Variants in TMEM164 observed in about 807,000 individuals in gnomAD.
TMEM164 encodes the protein transmembrane protein 164.
TMEM164 carries 4 observed loss-of-function variants against 18.8 expected under a neutral mutation model. The ratio of observed to expected loss-of-function variants is 0.21; its 90% CI spans 0.10 to 0.49. The LOEUF is 0.49. TMEM164 is among the 20% of genes least tolerant of loss of function. The probability of loss-of-function intolerance (pLI) is 0.98; values close to 1 mark genes in which losing one functional copy is unlikely to be tolerated. For synonymous variants in TMEM164, 86 were observed against 101.7 expected (o/e 0.85, Z 0.93); for missense variants, 108 against 239.9 (o/e 0.45, Z 3.63).
intron 2 of TMEM164, among the ~76,000 whole-genome samples, chrX:110,005,201 T>G (rs1219788699): frequency 8.9e-6 from 1 of 112,461 alleles, no homozygotes; most frequent in Non-Finnish European, 1.9e-5. Flanking sequence ...AAGGTTATTC[T>G]TTGGAGACTT....
chrX:110,179,256 C>T (rs2067313839), downstream of TMEM164, among the ~76,000 whole-genome samples: 1 of 111,795 alleles, frequency 8.9e-6, no homozygotes, highest in Non-Finnish European at 1.9e-5. Flanking sequence ...CATTGCCATC[C>T]CTACCCTGGG....
Position 110,080,463 on chromosome X carries a change from G to A in TMEM164, c.440+13067G>A, listed in dbSNP as rs149942945. Among the ~76,000 whole-genome samples, 470 of 111,167 alleles carry A rather than the reference G, an allele frequency of 4.2e-3. 1 individual carries two copies. Among genetic ancestry groups the A allele is most frequent in the African/African-American group, 0.014 (429 of 30,658 alleles). ...ACTGCCAGGATATTTTCATTGATACGGTCTGATAAAGCAGAACAGTCCTGT... is the reference window on the plus strand; with the variant it reads ...ACTGCCAGGATATTTTCATTGATACAGTCTGATAAAGCAGAACAGTCCTGT... On this transcript the variant is annotated intron_variant, in intron 3 of 6. Transcript: ENST00000372068.
intron 2 of TMEM164, among the ~76,000 whole-genome samples, chrX:110,035,890 A>G (rs939452543): frequency 2.7e-5 from 3 of 110,003 alleles, no homozygotes; most frequent in South Asian, 3.9e-4. Flanking sequence ...GGACAGGGGT[A>G]TGGATGTTTT....
intron 2 of TMEM164, among the ~76,000 whole-genome samples, chrX:110,061,374 T>G (rs1423978720): frequency 1.9e-5 from 2 of 105,043 alleles, no homozygotes; most frequent in Admixed American, 2.1e-4. Flanking sequence ...AGAGCCACCA[T>G]GTGGATCCAA....
At chrX:110,151,603 A>G (rs2066939665) in intron 5 of TMEM164, among the ~76,000 whole-genome samples, 1 of 111,171 alleles carries the variant, frequency 9.0e-6, no homozygotes, top group South Asian at 3.8e-4. Context: ...CAACATGGCG[A>G]AACCCCCTCT....
intron 4 of TMEM164, among the ~76,000 whole-genome samples, chrX:110,109,765 C>G (rs1394864328): frequency 9.0e-6 from 1 of 111,689 alleles, no homozygotes; most frequent in African/African-American, 3.3e-5. Flanking sequence ...CAAACAGCCC[C>G]TCATGGCTAG....
chrX:110,002,945 T>G (rs1932406099), upstream of TMEM164: 1 of 105,216 alleles, frequency 9.5e-6, no homozygotes, highest in African/African-American at 3.5e-5. Flanking sequence ...CTCCCTCCGC[T>G]GCCTGCGCGA....
chrX:110,100,226 AG>A (rs1412060526), intron 3 of TMEM164, among the ~76,000 whole-genome samples: 1 of 110,186 alleles, frequency 9.1e-6, no homozygotes, highest in Admixed American at 9.7e-5. Context: ...TAGTGGTGAG[AG>A]TGGACATCCT....
At chrX:110,035,518 A>AG (rs997037822) in intron 2 of TMEM164, among the ~76,000 whole-genome samples, 2 of 99,063 alleles carry the variant, frequency 2.0e-5, no homozygotes, top group Non-Finnish European at 4.0e-5. Context: ...TTTTTTTTTT[A>AG]GGGGGGATGG....
chrX:110,109,380 T>G (rs1264657234), intron 4 of TMEM164, among the ~76,000 whole-genome samples: 5 of 111,392 alleles, frequency 4.5e-5, no homozygotes, highest in Non-Finnish European at 9.4e-5. Flanking sequence ...TAGCCAAGCA[T>G]GGTGGTATTT....
intron 3 of TMEM164, among the ~76,000 whole-genome samples, chrX:110,078,925 T>G (rs935719979): frequency 8.9e-6 from 1 of 112,247 alleles, no homozygotes; most frequent in African/African-American, 3.2e-5. Flanking sequence ...ATAAAAATTA[T>G]AAACTTCATT....
At chrX:110,018,153 C>T (rs914995722) in intron 2 of TMEM164, among the ~76,000 whole-genome samples, 1 of 112,347 alleles carries the variant, frequency 8.9e-6, no homozygotes, top group African/African-American at 3.2e-5. Flanking sequence ...GCATCTAATC[C>T]TAGTAAACAG....
chrX:110,025,442 C>A (rs184145556), intron 2 of TMEM164, among the ~76,000 whole-genome samples: 9 of 111,849 alleles, frequency 8.0e-5, no homozygotes, highest in African/African-American at 2.3e-4. Flanking sequence ...ACCCAAGCTG[C>A]ACACACATCT....
At chrX:110,047,717 A>C (rs1211923070) in intron 2 of TMEM164, among the ~76,000 whole-genome samples, 1 of 111,942 alleles carries the variant, frequency 8.9e-6, no homozygotes, top group Non-Finnish European at 1.9e-5. Context: ...CAAGTGCTGA[A>C]TGGATTTTGT....
intron 3 of TMEM164, among the ~76,000 whole-genome samples, chrX:110,097,856 G>A (rs148501963): frequency 0.018 from 2,055 of 112,412 alleles, 52 homozygotes; most frequent in African/African-American, 0.063. Flanking sequence ...TTTTGTGAGT[G>A]TGAAAGCTGA....
At position 110,177,668 on chromosome X, in the gene TMEM164, T is replaced by G. The variant is rs1304176536; in HGVS notation, c.*4217T>G. 2 of 112,733 alleles carry G rather than the reference T, an allele frequency of 1.8e-5. No individual in the cohort carries two copies. The highest frequency in any genetic ancestry group is 6.5e-5 in the African/African-American group (2 of 30,986). 9.3% of individuals were successfully genotyped at this position (112,733 alleles called of 1,213,427 possible). A position where few individuals can be genotyped will look rare whatever the true frequency, so the allele number is the denominator to read the frequency against. ...TGGTCATTAATTTGTGTACTTAGCA[T>G]TCTGAATTTTAGTCTCAGGTGTTTC... is the stretch of plus-strand genomic sequence containing the variant. On this transcript the variant is annotated 3_prime_UTR_variant, in exon 7 of 7. Transcript: ENST00000372068.
chrX:110,012,269 A>G (rs1254802597), intron 2 of TMEM164, among the ~76,000 whole-genome samples: 2 of 111,798 alleles, frequency 1.8e-5, no homozygotes, highest in Non-Finnish European at 3.8e-5. Context: ...CCTGTTTCCA[A>G]GTCTGTCCAC....
intron 5 of TMEM164, among the ~76,000 whole-genome samples, chrX:110,148,136 T>C (rs2066884746): frequency 9.0e-6 from 1 of 110,846 alleles, no homozygotes; most frequent in South Asian, 3.8e-4. Context: ...TCAATTTATT[T>C]TCTGTCTATG....
At chrX:110,002,847 G>A (rs1932390882), upstream of TMEM164, 1 of 113,030 alleles carries the variant, frequency 8.8e-6, no homozygotes, top group Non-Finnish European at 1.9e-5. Flanking sequence ...GCGGCGCCGG[G>A]GAGGAGGGAG....
Sources: gnomAD v4.1 joint callset for allele counts (sites outside exome capture counted in the v4.1 genomes callset) on GRCh38, gnomAD v4.1.1 for gene constraint, MANE v1.5 for transcripts, NCBI Gene and HGNC (gene_info 2026-07-23, HGNC 2026-07-21) for gene names.